Variants in PABIR3 observed in about 807,000 individuals in gnomAD.
PABIR3 encodes the protein PABIR family member 1.
A neutral mutation model predicts 23.1 loss-of-function variants in PABIR3; 20 were observed. That is an observed-to-expected ratio of 0.86 (90% confidence interval 0.61 to 1.26). PABIR3 has a LOEUF of 1.26. PABIR3 is among the 50% of genes most tolerant of loss of function. PABIR3 has a pLI of 0.00. For synonymous variants in PABIR3, 69 were observed against 68.5 expected, an observed-to-expected ratio of 1.01 and a Z score of -0.04; for missense variants, 189 against 195.4, an observed-to-expected ratio of 0.97 and a Z score of 0.20.
chrX:134,836,877 A>C (rs912764705), intron 4 of PABIR3, among the ~76,000 whole-genome samples: 4 of 110,864 alleles, frequency 3.6e-5, no homozygotes, highest in African/African-American at 9.8e-5. Flanking sequence ...TAACAACTTA[A>C]CTTTCTCTGT....
At chrX:134,852,759 G>A in intron 9 of PABIR3, 41 bp from the exon 10 acceptor site, 1 of 793,711 alleles carries the variant, frequency 1.3e-6, no homozygotes, top group Non-Finnish European at 1.7e-6. Flanking sequence ...TAATAAACAT[G>A]TTAAATAAAA....
intron 1 of PABIR3, among the ~76,000 whole-genome samples, chrX:134,798,877 G>T (rs1267618042): frequency 8.9e-6 from 1 of 112,187 alleles, no homozygotes; most frequent in Admixed American, 9.5e-5. Context: ...CTGAATTCTA[G>T]AAGATAAAAG....
chrX:134,810,842 G>C, intron 2 of PABIR3: 1 of 752,762 alleles, frequency 1.3e-6, no homozygotes, highest in South Asian at 6.8e-5. Context: ...ACCACAAAGT[G>C]GACAGAGTTC....
chrX:134,836,898 G>C (rs944308997), intron 4 of PABIR3, among the ~76,000 whole-genome samples: 3 of 111,259 alleles, frequency 2.7e-5, no homozygotes, highest in African/African-American at 9.8e-5. Flanking sequence ...AGTGTCTTAA[G>C]TAAAAATCAA....
the PABIR3 span, among the ~76,000 whole-genome samples, chrX:134,863,145 T>A: frequency 4.5e-5 from 5 of 112,174 alleles, no homozygotes; most frequent in Non-Finnish European, 9.4e-5. Flanking sequence ...AATTGTTGTG[T>A]TAGAGTTCTC....
At chrX:134,839,388 C>G (rs1392094508) in intron 4 of PABIR3, 10 of 138,677 alleles carry the variant, frequency 7.2e-5, no homozygotes, top group South Asian at 1.4e-4. Context: ...CCGGCCGCCC[C>G]GTCTGAGAAG....
chrX:134,861,293 G>A, the PABIR3 span, among the ~76,000 whole-genome samples: 3 of 107,141 alleles, frequency 2.8e-5, no homozygotes, highest in African/African-American at 6.8e-5. Flanking sequence ...AAAGGAAATA[G>A]TAGTGATGGC....
At chrX:134,828,175 CG>C (rs2081610245) in intron 3 of PABIR3, among the ~76,000 whole-genome samples, 1 of 106,768 alleles carries the variant, frequency 9.4e-6, no homozygotes, top group South Asian at 4.3e-4. Context: ...ATGAGCCTCC[CG>C]TGCCTGGCCT....
intron 3 of PABIR3, chrX:134,822,793 G>A: frequency 3.8e-6 from 1 of 265,981 alleles, no homozygotes; most frequent in Non-Finnish European, 5.2e-6. Flanking sequence ...GAGGAGGGAA[G>A]CAGAAAAGAT....
chrX:134,807,397 GCCA>G (rs2080299477), intron 1 of PABIR3, 56 bp downstream of exon 1: 2 of 998,708 alleles, frequency 2.0e-6, no homozygotes, highest in Non-Finnish European at 2.5e-6. Context: ...GCGGTTCGGA[GCCA>G]GTTCTGCCTA....
At chrX:134,834,774 C>T (rs113803199) in intron 4 of PABIR3, among the ~76,000 whole-genome samples, 5 of 112,124 alleles carry the variant, frequency 4.5e-5, no homozygotes, top group African/African-American at 1.6e-4. Context: ...GAAATCCTTT[C>T]CCCATTGCTT....
At chrX:134,814,009 A>G (rs1307983627) in intron 2 of PABIR3, among the ~76,000 whole-genome samples, 3 of 109,626 alleles carry the variant, frequency 2.7e-5, no homozygotes, top group African/African-American at 1.0e-4. Context: ...TTCAGTGTGC[A>G]AAACAAATTC....
intron 3 of PABIR3, 83 bp downstream of exon 3, chrX:134,814,932 A>G: frequency 4.0e-6 from 3 of 749,373 alleles, no homozygotes; most frequent in Non-Finnish European, 5.8e-6. Context: ...TTGAGCATTC[A>G]CAGGGAGGGC....
chrX:134,843,122 C>T (rs768673972), intron 4 of PABIR3, among the ~76,000 whole-genome samples: 44 of 109,459 alleles, frequency 4.0e-4, no homozygotes, highest in Non-Finnish European at 7.4e-4. Context: ...ATCGCTTGAA[C>T]CCAGGAGGCA....
chrX:134,842,854 C>A (rs1461387315), intron 4 of PABIR3, among the ~76,000 whole-genome samples: 8 of 103,891 alleles, frequency 7.7e-5, no homozygotes, highest in African/African-American at 2.9e-4. Context: ...GCTGAGATTG[C>A]GCCATTGCAC....
chrX:134,821,260 A>C (rs1378604436), intron 3 of PABIR3: 29 of 971,096 alleles, frequency 3.0e-5, no homozygotes, highest in Non-Finnish European at 3.9e-5. Context: ...AAAAAAAAAA[A>C]AAAAAAACTG....
At chrX:134,832,438 A>C in intron 4 of PABIR3, among the ~76,000 whole-genome samples, 1 of 67,773 alleles carries the variant, frequency 1.5e-5, no homozygotes, top group African/African-American at 6.4e-5. Flanking sequence ...GTCTTGCTCT[A>C]TCACCCAGGC....
At position 134,801,951 on chromosome X, in the gene PABIR3, G is replaced by T. The variant is rs1161493944; in HGVS notation, c.-97-2150G>T. Among the ~76,000 whole-genome samples the T allele has an allele frequency of 9.2e-5, 10 of 109,194 alleles. No individual in the cohort carries two copies. The Admixed American group carries it at 9.8e-4, about 11-fold the overall frequency. 94.8% of individuals were successfully genotyped at this position (109,194 alleles called of 115,157 possible). On this transcript the variant is annotated intron_variant, in intron 1 of 4. Transcript: ENST00000414371. Reference sequence around the variant, plus strand: ...GAATAGAGGAGGTTTGTCCCATGGTGGGACTGGAAAACGATGAGCTGCCGG... The same window carrying T: ...GAATAGAGGAGGTTTGTCCCATGGTTGGACTGGAAAACGATGAGCTGCCGG...
chrX:134,846,643 G>A (rs2082447587), intron 6 of PABIR3, among the ~76,000 whole-genome samples: 1 of 111,898 alleles, frequency 8.9e-6, no homozygotes. Context: ...ATTTTCCTTT[G>A]AGCCCTGAGT....
Sources: gnomAD v4.1 joint callset for allele counts (sites outside exome capture counted in the v4.1 genomes callset) on GRCh38, gnomAD v4.1.1 for gene constraint, MANE v1.5 for transcripts, NCBI Gene and HGNC (gene_info 2026-07-23, HGNC 2026-07-21) for gene names.